Variants in FBXW7 observed in about 807,000 individuals in gnomAD.
FBXW7 encodes F-box and WD repeat domain containing 7, also known as F-box/WD repeat-containing protein 7.
A neutral mutation model predicts 86.3 loss-of-function variants in FBXW7; 11 were observed. The ratio of observed to expected loss-of-function variants is 0.13; its 90% CI spans 0.08 to 0.21. The LOEUF is 0.21. Among genes scored for constraint, FBXW7 ranks in the 10% least tolerant of loss-of-function variants. The pLI, the probability that FBXW7 is intolerant of heterozygous loss-of-function variation, is 1.00. For synonymous variants in FBXW7, 313 were observed against 297.9 expected (o/e 1.05, Z -0.52); for missense variants, 488 against 847.4 (o/e 0.58, Z 5.27).
Position 152,333,286 on chromosome 4 carries a change from G to A in FBXW7, c.862-567C>T, listed in dbSNP as rs965322858. 9.2e-5 allele frequency among the ~76,000 whole-genome samples: 14 copies of A among 152,152 alleles called. No homozygotes were observed. In the East Asian group the frequency reaches 2.5e-3, roughly 27 times the overall value. The stretch of plus-strand genomic sequence containing the variant: ...GGGACAATTATTAAACCATTCCATA[G>A]ACATATAAAAGTAATTGAGTTCTGA... On this transcript the variant is annotated intron_variant, in intron 7 of 13. Coordinates refer to ENST00000281708, the MANE Select transcript of FBXW7 (RefSeq NM_001349798.2).
intron 2 of FBXW7, among the ~76,000 whole-genome samples, chr4:152,522,297 C>T (rs1469085164): frequency 6.6e-6 from 1 of 152,166 alleles, no homozygotes; most frequent in Non-Finnish European, 1.5e-5. Flanking sequence ...GGAACCTTTT[C>T]TCAGTTTCTG....
At chr4:152,431,688 A>AGAGTAT (rs1260192542) in intron 2 of FBXW7, among the ~76,000 whole-genome samples, 2 of 152,242 alleles carry the variant, frequency 1.3e-5, no homozygotes, top group Admixed American at 1.3e-4. Context: ...CCCAGAGAAG[A>AGAGTAT]GAGTATCAAG....
intron 4 of FBXW7, 74 bp downstream of exon 4, chr4:152,411,229 G>C: frequency 6.9e-7 from 1 of 1,453,450 alleles, no homozygotes; most frequent in Non-Finnish European, 9.1e-7. Context: ...TACAAAGACT[G>C]TGAGGAAAGT....
chr4:152,393,646 T>C (rs1341270059), intron 4 of FBXW7, among the ~76,000 whole-genome samples: 2 of 152,130 alleles, frequency 1.3e-5, no homozygotes, highest in Non-Finnish European at 2.9e-5. Flanking sequence ...CCAACATCTG[T>C]AGCTAAGCAA....
intron 2 of FBXW7, among the ~76,000 whole-genome samples, chr4:152,467,605 G>C (rs1743577449): frequency 6.6e-6 from 1 of 152,146 alleles, no homozygotes; most frequent in Non-Finnish European, 1.5e-5. Context: ...GTAAGGTTTT[G>C]CTTAAAACAA....
chr4:152,498,003 T>C (rs1033257543), intron 2 of FBXW7, among the ~76,000 whole-genome samples: 2 of 152,008 alleles, frequency 1.3e-5, no homozygotes, highest in African/African-American at 2.4e-5. Context: ...AGCAGGGAAA[T>C]AATCGTAAGG....
At chr4:152,340,600 G>C (rs1446627892) in intron 6 of FBXW7, among the ~76,000 whole-genome samples, 8 of 134,098 alleles carry the variant, frequency 6.0e-5, no homozygotes, top group African/African-American at 1.9e-4. Flanking sequence ...AAAAAAAAAA[G>C]GATACCACTG....
intron 4 of FBXW7, among the ~76,000 whole-genome samples, chr4:152,360,472 C>T (rs1047859348): frequency 1.3e-5 from 2 of 152,090 alleles, no homozygotes; most frequent in African/African-American, 4.8e-5. Context: ...CACAATTCAC[C>T]GATTCTTGCC....
At chr4:152,346,539 T>C (rs1731281670) in intron 6 of FBXW7, among the ~76,000 whole-genome samples, 1 of 152,172 alleles carries the variant, frequency 6.6e-6, no homozygotes. Flanking sequence ...AAACAGCACA[T>C]AACATTCACC....
chr4:152,447,368 G>A (rs1038985692), intron 2 of FBXW7, among the ~76,000 whole-genome samples: 4 of 152,136 alleles, frequency 2.6e-5, no homozygotes, highest in Non-Finnish European at 5.9e-5. Flanking sequence ...CTTTACATGA[G>A]GTAGAGGTAT....
At chr4:152,418,127 C>CCA (rs3047865) in intron 2 of FBXW7, among the ~76,000 whole-genome samples, 19,396 of 143,826 alleles carry the variant, frequency 0.13, 1,224 homozygotes, top group Admixed American at 0.17. Context: ...ACAGCTCTTA[C>CCA]CACACACACA....
Position 152,511,394 on chromosome 4 carries a change from A to T in FBXW7, c.-120+23547T>A, listed in dbSNP as rs1034611609. 2.2e-5 allele frequency among the ~76,000 whole-genome samples: 3 copies of T among 133,638 alleles called. No homozygotes were observed. In the East Asian group the frequency reaches 6.5e-4, roughly 29 times the overall value. 87.7% of individuals were successfully genotyped at this position (133,638 alleles called of 152,430 possible). A position where few individuals can be genotyped will look rare whatever the true frequency, so the allele number is the denominator to read the frequency against. On this transcript the variant is annotated intron_variant, in intron 2 of 13. Transcript: ENST00000281708. ...CCTCCATTTTTTCATCTATAAACAA[A>T]GTTTTTGAAAATCTATAGTTTCTTT...
chr4:152,398,204 A>G (rs1365086636), intron 4 of FBXW7, among the ~76,000 whole-genome samples: 1 of 151,986 alleles, frequency 6.6e-6, no homozygotes, highest in African/African-American at 2.4e-5. Flanking sequence ...AAAGACAAGC[A>G]CATATTAAAT....
intron 2 of FBXW7, among the ~76,000 whole-genome samples, chr4:152,418,887 G>C (rs1388664956): frequency 6.6e-6 from 1 of 151,566 alleles, no homozygotes; most frequent in Non-Finnish European, 1.5e-5. Context: ...TAAGAAACAA[G>C]GACAAAAAAC....
chr4:152,473,806 G>A (rs927023272), intron 2 of FBXW7, among the ~76,000 whole-genome samples: 5 of 151,966 alleles, frequency 3.3e-5, no homozygotes, highest in African/African-American at 1.2e-4. Flanking sequence ...TTTTCACCAA[G>A]AATAACTTGA....
intron 13 of FBXW7, chr4:152,323,617 CTGAAAAAAA>C: frequency 2.3e-5 from 4 of 174,098 alleles, no homozygotes; most frequent in Admixed American, 2.2e-4. Flanking sequence ...GATGGCCCCA[CTGAAAAAAA>C]CACTTTCTAA....
rs1750521642 is a variant in FBXW7 at position 152,535,933 on chromosome 4, A to ACC, written c.-1020_-1019insGG. 1 of 317,878 alleles carries ACC rather than the reference A, an allele frequency of 3.1e-6. No homozygotes were observed. Among genetic ancestry groups the ACC allele is most frequent in the African/African-American group, 2.2e-5 (1 of 46,266 alleles). The allele number at this position is 317,878 out of a possible 1,614,324, so 19.7% of individuals were successfully genotyped here. A position where few individuals can be genotyped will look rare whatever the true frequency, so the allele number is the denominator to read the frequency against. On this transcript the variant is annotated 5_prime_UTR_variant, in exon 1 of 14. Coordinates refer to ENST00000281708, the MANE Select transcript of FBXW7 (RefSeq NM_001349798.2). Reference sequence around the variant, plus strand: ...GCTCCCGCTGGCCCAGGTGAGAGCGAAGGTCTCGGCGGCGGCCAGTGCAGG... The same window carrying ACC: ...GCTCCCGCTGGCCCAGGTGAGAGCGACCAGGTCTCGGCGGCGGCCAGTGCAGG...
intron 4 of FBXW7, among the ~76,000 whole-genome samples, chr4:152,351,922 T>C (rs1731858103): frequency 6.6e-6 from 1 of 152,142 alleles, no homozygotes; most frequent in African/African-American, 2.4e-5. Context: ...AAATATTTTA[T>C]AAAGGAAAGC....
intron 4 of FBXW7, among the ~76,000 whole-genome samples, chr4:152,396,752 T>A (rs1736450216): frequency 6.6e-6 from 1 of 151,980 alleles, no homozygotes; most frequent in Non-Finnish European, 1.5e-5. Context: ...TTACCTAAGC[T>A]CATGTCAATC....
Sources: allele counts gnomAD v4.1 joint callset (sites outside exome capture counted in the v4.1 genomes callset), GRCh38; gene constraint gnomAD v4.1.1; transcripts MANE v1.5; gene names NCBI Gene and HGNC (gene_info 2026-07-23, HGNC 2026-07-21).